The following NLRP14 variants were observed in gnomAD, a reference collection of about 807,000 sequenced individuals.
NLRP14 encodes the protein NLR family pyrin domain containing 14.
NLRP14 carries 105 observed loss-of-function variants against 94.7 expected under a neutral mutation model. The observed-to-expected ratio is 1.11, with a 90% CI of 0.95 to 1.30. The LOEUF (loss-of-function observed/expected upper bound fraction) is 1.30. NLRP14 is among the 50% of genes most tolerant of loss of function. The probability of loss-of-function intolerance (pLI) is 0.00; values close to 1 mark genes in which losing one functional copy is unlikely to be tolerated. For missense variants in NLRP14, 1,362 were observed against 1,254.1 expected, an observed-to-expected ratio of 1.09 and a Z score of -1.30; for synonymous variants, 508 against 459.9, an observed-to-expected ratio of 1.10 and a Z score of -1.34.
At chr11:7,060,256 C>T (rs1458305841) in intron 9 of NLRP14, among the ~76,000 whole-genome samples, 192 bp downstream of exon 9, 1 of 151,946 alleles carries the variant, frequency 6.6e-6, no homozygotes, top group East Asian at 1.9e-4. Context: ...CATAGTAATT[C>T]TAATAAACTT....
chr11:7,040,960 T>C (rs1447685194), intron 3 of NLRP14, among the ~76,000 whole-genome samples: 4 of 152,218 alleles, frequency 2.6e-5, no homozygotes. Flanking sequence ...AGATAGCTAA[T>C]AAATGTCTTC....
At chr11:7,087,925 T>C in the NLRP14 span, among the ~76,000 whole-genome samples, 470 of 152,310 alleles carry the variant, frequency 3.1e-3, 3 homozygotes, top group African/African-American at 0.011. Flanking sequence ...TCACCAGAAA[T>C]ACGTAGCAAT....
At chr11:7,077,084 G>C in the NLRP14 span, among the ~76,000 whole-genome samples, 5 of 152,216 alleles carry the variant, frequency 3.3e-5, no homozygotes, top group South Asian at 8.3e-4. Flanking sequence ...TGGGAGTCCC[G>C]GGATTCTATC....
chr11:7,050,339 T>A (rs1370109461), intron 6 of NLRP14, among the ~76,000 whole-genome samples: 4 of 152,210 alleles, frequency 2.6e-5, no homozygotes, highest in Non-Finnish European at 1.5e-5. Flanking sequence ...AATGGTCCTC[T>A]TTCAAGGTGC....
the NLRP14 span, among the ~76,000 whole-genome samples, chr11:7,080,183 C>T: frequency 2.6e-5 from 4 of 152,176 alleles, no homozygotes; most frequent in Non-Finnish European, 5.9e-5. Flanking sequence ...CCATTTGCAG[C>T]TGGCATCTGA....
intron 6 of NLRP14, among the ~76,000 whole-genome samples, chr11:7,055,143 A>G (rs1044085231): frequency 1.3e-5 from 2 of 152,066 alleles, no homozygotes; most frequent in Admixed American, 6.6e-5. Context: ...TGCATGTTGT[A>G]TTTTTATTTA....
At chr11:7,028,268 C>T (rs1589855808) in intron 1 of NLRP14, among the ~76,000 whole-genome samples, 1 of 152,306 alleles carries the variant, frequency 6.6e-6, no homozygotes, top group East Asian at 1.9e-4. Context: ...TCTCTTTCTT[C>T]CAGATTCCCA....
intron 1 of NLRP14, among the ~76,000 whole-genome samples, chr11:7,036,607 A>G (rs1194207260): frequency 6.6e-6 from 1 of 152,200 alleles, no homozygotes; most frequent in East Asian, 1.9e-4. Context: ...TTGCAGAGGT[A>G]GGTACTCTTG....
intron 6 of NLRP14, among the ~76,000 whole-genome samples, chr11:7,055,744 A>G (rs1032121786): frequency 4.3e-4 from 65 of 152,136 alleles, no homozygotes; most frequent in African/African-American, 1.5e-3. Context: ...CTCTAAGTCA[A>G]CAGCATCTGT....
chr11:7,049,493 G>A (rs1331965940), intron 5 of NLRP14, among the ~76,000 whole-genome samples, 178 bp from the exon 6 acceptor site: 1 of 152,014 alleles, frequency 6.6e-6, no homozygotes, highest in African/African-American at 2.4e-5. Context: ...AAAAAAACTG[G>A]GGAGTGTCAA....
chr11:7,089,900 AGACGGCTACGGAGGTCGCGACCGT>A, the NLRP14 span: 28 of 1,612,738 alleles, frequency 1.7e-5, no homozygotes, highest in Non-Finnish European at 2.2e-5. Context: ...ACAGCGACCG[AGACGGCTACGGAGGTCGCGACCGT>A]GACTACGGGG....
chr11:7,046,927 C>T (rs1348086091), intron 5 of NLRP14, 95 bp downstream of exon 5: 3 of 885,744 alleles, frequency 3.4e-6, no homozygotes, highest in Non-Finnish European at 5.7e-6. Flanking sequence ...CAATGCTAAA[C>T]AAATACTTAC....
At chr11:7,078,067 C>T in the NLRP14 span, among the ~76,000 whole-genome samples, 1 of 152,020 alleles carries the variant, frequency 6.6e-6, no homozygotes, top group Non-Finnish European at 1.5e-5. Context: ...GAATATACAC[C>T]TAAAAATGAC....
At chr11:7,073,221 C>G (rs1447882825), downstream of NLRP14, among the ~76,000 whole-genome samples, 1 of 152,190 alleles carries the variant, frequency 6.6e-6, no homozygotes, top group Non-Finnish European at 1.5e-5. Context: ...CAGGCCAGCT[C>G]AGATTCTGGG....
Position 7,025,431 on chromosome 11 carries a change from TAAC to T in NLRP14, c.-22+4664_-22+4666del, listed in dbSNP as rs148517561. ...AATTCAAGAAAGTACTCCAAACAAATAACAAACCAAAAACAGAAATACCCCACA... is the reference window on the plus strand; with the variant it reads ...AATTCAAGAAAGTACTCCAAACAAATAAACCAAAAACAGAAATACCCCACA... On this transcript the variant is annotated intron_variant, in intron 1 of 11. Transcript: ENST00000299481. Among the ~76,000 whole-genome samples, 782 of 152,066 alleles carry T rather than the reference TAAC, an allele frequency of 5.1e-3. 18 individuals are homozygous for T. Among genetic ancestry groups the T allele is most frequent in the Admixed American group, 0.04 (611 of 15,264 alleles).
chr11:7,040,573 T>C (rs1428099640), intron 3 of NLRP14, among the ~76,000 whole-genome samples: 1 of 152,168 alleles, frequency 6.6e-6, no homozygotes, highest in Non-Finnish European at 1.5e-5. Context: ...AGACCACTGG[T>C]TTATTAACAC....
At chr11:7,089,087 C>T in the NLRP14 span, 4 of 1,602,372 alleles carry the variant, frequency 2.5e-6, no homozygotes, top group Non-Finnish European at 3.4e-6. Context: ...TCACCGCCTC[C>T]CACCGCCACT....
At chr11:7,050,464 C>CTT (rs67413836) in intron 6 of NLRP14, among the ~76,000 whole-genome samples, 11 of 151,582 alleles carry the variant, frequency 7.3e-5, no homozygotes, top group Admixed American at 3.3e-4. Context: ...TAAGAAAGAT[C>CTT]TTATTTTTCA....
At chr11:7,064,817 A>G (rs1401579586) in intron 10 of NLRP14, among the ~76,000 whole-genome samples, 1 of 151,978 alleles carries the variant, frequency 6.6e-6, no homozygotes, top group Non-Finnish European at 1.5e-5. Flanking sequence ...ATTTTCCTAT[A>G]TACTCTTTTT....
Sources: gnomAD v4.1 joint callset for allele counts (sites outside exome capture counted in the v4.1 genomes callset) on GRCh38, gnomAD v4.1.1 for gene constraint, MANE v1.5 for transcripts, NCBI Gene and HGNC (gene_info 2026-07-23, HGNC 2026-07-21) for gene names.